Variants in ZBTB43 observed in about 807,000 individuals in gnomAD.
ZBTB43 encodes the protein zinc finger and BTB domain-containing protein 43.
Under a neutral mutation model 31.1 loss-of-function variants are expected in ZBTB43, and 6 were observed. That is an observed-to-expected ratio of 0.19 (90% confidence interval 0.11 to 0.38). ZBTB43 has a LOEUF of 0.38. ZBTB43 is among the 10% of genes least tolerant of loss of function. ZBTB43 has a pLI of 1.00. For missense variants in ZBTB43, 379 were observed against 602.1 expected, an observed-to-expected ratio of 0.63 and a Z score of 3.88; for synonymous variants, 212 against 221.7, an observed-to-expected ratio of 0.96 and a Z score of 0.39.
chr9:126,833,450 A>C lies in ZBTB43; in HGVS notation c.941A>C (p.Gln314Pro). 1 of 1,614,234 alleles carries C rather than the reference A, an allele frequency of 6.2e-7. No homozygotes were observed. Among genetic ancestry groups the C allele is most frequent in the Non-Finnish European group, 8.5e-7 (1 of 1,180,042 alleles). ...GCTGATGAAAGCAATTATGATGAGC[A>C]GGTGGATTTCTATGGCTCTTCCATG... Reference protein sequence around the residue: ...EQADESNYDEQVDFYGSSMEE... With the variant: ...EQADESNYDEPVDFYGSSMEE... The change falls in exon 3 of 3, where the codon CAG becomes CCG. Residue 314 changes from glutamine to proline, a missense_variant. By Grantham distance (76) the Gln-to-Pro change is moderately conservative (BLOSUM62 -1). This residue lies in a region of ZBTB43 where 253 missense variants were observed against 322.3 expected (regional missense o/e 0.79). Coordinates refer to ENST00000373464, the MANE Select transcript of ZBTB43 (RefSeq NM_014007.4). The surrounding 1 kb of genome is among the most constrained non-coding windows in gnomAD (Gnocchi z 7.9).
chr9:126,832,862 A>G lies in ZBTB43; in HGVS notation c.353A>G (p.Lys118Arg), dbSNP rs1275496361. The G allele has an allele frequency of 6.2e-7, 1 of 1,614,070 alleles. No individual in the cohort carries two copies. Among genetic ancestry groups the G allele is most frequent in the Admixed American group, 1.7e-5 (1 of 60,018 alleles). Reference sequence around the variant, plus strand: ...CTCCAGATGTGGCATGTGGTAGACAAATGCACTGAAGTTTTAGAGGGAAAC... The same window carrying G: ...CTCCAGATGTGGCATGTGGTAGACAGATGCACTGAAGTTTTAGAGGGAAAC... ...SFLQMWHVVD[K>R]CTEVLEGNPT... The change falls in exon 3 of 3, where the codon AAA becomes AGA. Residue 118 changes from lysine (K) to arginine (R), a missense_variant. Around this residue, in one of 5 missense-constraint regions of ZBTB43, gnomAD observed 3 missense variants for 17.9 expected, o/e 0.17. Transcript: ENST00000373464.
Position 126,827,636 on chromosome 9 carries a change from C to T in ZBTB43, c.-23-4851C>T, listed in dbSNP as rs1189124972. Reference sequence around the variant, plus strand: ...AGGAACCAACCCATGGAGCTTCTGACTCCACCATTTTCCATAACCTCCCTT... The same window carrying T: ...AGGAACCAACCCATGGAGCTTCTGATTCCACCATTTTCCATAACCTCCCTT... On this transcript the variant is annotated intron_variant, in intron 2 of 2. Coordinates refer to ENST00000373464, the MANE Select transcript of ZBTB43 (RefSeq NM_014007.4). Among the ~76,000 whole-genome samples, 4 of 152,226 alleles carry T rather than the reference C, an allele frequency of 2.6e-5. No individual in the cohort carries two copies. In the East Asian group the frequency reaches 7.7e-4, roughly 29 times the overall value.
intron 2 of ZBTB43, among the ~76,000 whole-genome samples, chr9:126,821,834 C>T (rs1443311657): frequency 2.6e-5 from 4 of 152,146 alleles, no homozygotes; most frequent in African/African-American, 7.2e-5. Flanking sequence ...TGTGACCCAA[C>T]ACAAATTCAT....
Position 126,815,357 on chromosome 9 carries a change from A to T in ZBTB43, c.-24+6442A>T, listed in dbSNP as rs181887036. Among the ~76,000 whole-genome samples, 1,628 of 140,802 alleles carry T rather than the reference A, an allele frequency of 0.012. 68 individuals carry two copies. In the East Asian group the frequency reaches 0.21, roughly 18 times the overall value. The allele number at this position is 140,802 out of a possible 152,430, so 92.4% of individuals were successfully genotyped here. ...ATATATATAGTTTTCAATATATAAA[A>T]ATATATATATATATATAGTTTTCAT... is the stretch of plus-strand genomic sequence containing the variant. On this transcript the variant is annotated intron_variant, in intron 2 of 2. Coordinates refer to ENST00000373464, the MANE Select transcript of ZBTB43 (RefSeq NM_014007.4).
At chr9:126,814,273 C>A (rs2032313338) in intron 2 of ZBTB43, among the ~76,000 whole-genome samples, 1 of 150,904 alleles carries the variant, frequency 6.6e-6, no homozygotes, top group Non-Finnish European at 1.5e-5. Context: ...CTGATTTTTA[C>A]AGATGAAATT....
rs59664603 is a variant in ZBTB43 at position 126,828,654 on chromosome 9, A to AATT, written c.-23-3811_-23-3809dup. Among the ~76,000 whole-genome samples, 1,078 of 127,686 alleles carry AATT rather than the reference A, an allele frequency of 8.4e-3. 14 individuals carry two copies. Among genetic ancestry groups the AATT allele is most frequent in the Middle Eastern group, 0.015 (4 of 274 alleles). The allele number at this position is 127,686 out of a possible 152,430, so 83.8% of individuals were successfully genotyped here. On this transcript the variant is annotated intron_variant, in intron 2 of 2. Transcript: ENST00000373464. ...AAATAATAATAATAATAATAATAAT[A>AATT]ATTATTATTATTATTATTATTATTT...
chr9:126,808,155 T>C (rs1033356102), intron 1 of ZBTB43, among the ~76,000 whole-genome samples: 1 of 152,222 alleles, frequency 6.6e-6, no homozygotes, highest in Non-Finnish European at 1.5e-5. Context: ...TCCTTGGCTT[T>C]ATTGAAATTC....
intron 2 of ZBTB43, among the ~76,000 whole-genome samples, chr9:126,828,834 C>A (rs1385647004): frequency 2.0e-5 from 3 of 151,690 alleles, no homozygotes; most frequent in African/African-American, 7.3e-5. Context: ...AGTTAACTTC[C>A]TGAATTTACA....
chr9:126,833,905 G>A lies in ZBTB43; in HGVS notation c.1396G>A (p.Ala466Thr), dbSNP rs753166344. The A allele has an allele frequency of 5.1e-6, 8 of 1,572,814 alleles. No homozygotes were observed. In the Admixed American group the frequency reaches 6.9e-5, roughly 14 times the overall value. The change falls in exon 3 of 3, where the codon GCT becomes ACT. Residue 466 changes from alanine (A) to threonine (T), a missense_variant. Physicochemically the swap from Ala to Thr is moderately conservative, Grantham distance 58 (BLOSUM62 0). Around this residue, in one of 5 missense-constraint regions of ZBTB43, gnomAD observed 21 missense variants for 22.4 expected, o/e 0.94. Transcript: ENST00000373464. The surrounding 1 kb of genome is among the most constrained non-coding windows in gnomAD (Gnocchi z 7.9). ...AAAGGCTGAGCAGAATACAACTGAG[G>A]CTAACTAAAAATAGGATCTGGCCCT... is the stretch of plus-strand genomic sequence containing the variant. The part of the protein sequence containing the change: ...AAKAEQNTTE[A>T]N
At chr9:126,830,519 A>C (rs530880056) in intron 2 of ZBTB43, among the ~76,000 whole-genome samples, 2 of 152,272 alleles carry the variant, frequency 1.3e-5, no homozygotes, top group South Asian at 4.1e-4. Context: ...GTAGTAGTGC[A>C]TGCCTGAAGT....
intron 2 of ZBTB43, chr9:126,832,234 T>C (rs566570669): frequency 2.3e-6 from 1 of 434,414 alleles, no homozygotes; most frequent in Non-Finnish European, 4.1e-6. Flanking sequence ...ACAAATCTTG[T>C]CCCTATGGAT....
Position 126,832,188 on chromosome 9 carries a change from C to T in ZBTB43, c.-23-299C>T, listed in dbSNP as rs546758256. ...TGTTTGTTTTAACTGTAAATATTTA[C>T]AGTACTTGGTTTTACTTGGGAGATT... On this transcript the variant is annotated intron_variant, in intron 2 of 2. Transcript: ENST00000373464. 69 of 271,338 alleles carry T rather than the reference C, an allele frequency of 2.5e-4. No individual in the cohort carries two copies. In the East Asian group the frequency reaches 4.7e-3, roughly 19 times the overall value. 16.8% of individuals were successfully genotyped at this position (271,338 alleles called of 1,614,324 possible).
At position 126,834,096 on chromosome 9, in the gene ZBTB43, G is replaced by A. The variant is rs2032829605; in HGVS notation, c.*183G>A. ...AAAAAATCTAATTCCTCAAATTTGT[G>A]TGTTCCAGTCCTGGCCTGGAATGGG... On this transcript the variant is annotated 3_prime_UTR_variant, in exon 3 of 3. Transcript: ENST00000373464. 2 of 689,332 alleles carry A rather than the reference G, an allele frequency of 2.9e-6. No individual in the cohort carries two copies. Among genetic ancestry groups the A allele is most frequent in the Non-Finnish European group, 4.5e-6 (2 of 444,198 alleles). 42.7% of individuals were successfully genotyped at this position (689,332 alleles called of 1,614,324 possible). A position where few individuals can be genotyped will look rare whatever the true frequency, so the allele number is the denominator to read the frequency against.
chr9:126,805,496 G>A (rs1227346903), intron 1 of ZBTB43, among the ~76,000 whole-genome samples: 1 of 152,254 alleles, frequency 6.6e-6, no homozygotes, highest in Non-Finnish European at 1.5e-5. Context: ...TCGGGTTCGA[G>A]CCACCAATGC....
At chr9:126,815,452 G>A (rs532608094) in intron 2 of ZBTB43, among the ~76,000 whole-genome samples, 121 of 150,140 alleles carry the variant, frequency 8.1e-4, no homozygotes, top group African/African-American at 2.7e-3. Context: ...TAGGTATCTG[G>A]AAGTTGTCTC....
intron 2 of ZBTB43, among the ~76,000 whole-genome samples, chr9:126,828,469 C>G (rs2032693529): frequency 6.6e-6 from 1 of 151,410 alleles, no homozygotes; most frequent in African/African-American, 2.4e-5. Flanking sequence ...AGGTGTGAGC[C>G]ACCACTCCCA....
chr9:126,823,562 A>G lies in ZBTB43; in HGVS notation c.-23-8925A>G, dbSNP rs543003324. On this transcript the variant is annotated intron_variant, in intron 2 of 2. Transcript: ENST00000373464. The stretch of plus-strand genomic sequence containing the variant: ...CTAAAGTGAGTCTCTTGTAGACTGC[A>G]TGTAGATGAGTCGTTTTTTAATCCA... Among the ~76,000 whole-genome samples the G allele has an allele frequency of 1.6e-3, 238 of 152,336 alleles. 1 individual carries two copies. Among genetic ancestry groups the G allele is most frequent in the South Asian group, 0.012 (56 of 4,824 alleles).
intron 2 of ZBTB43, among the ~76,000 whole-genome samples, chr9:126,811,196 T>C (rs1309385628): frequency 7.1e-6 from 1 of 140,100 alleles, no homozygotes; most frequent in East Asian, 2.1e-4. Flanking sequence ...CCCTCCAGCC[T>C]GGGCGACAGA....
chr9:126,822,746 CAAAA>C (rs1035830228), intron 2 of ZBTB43, among the ~76,000 whole-genome samples: 1 of 151,932 alleles, frequency 6.6e-6, no homozygotes, highest in African/African-American at 2.4e-5. Flanking sequence ...TCTTGGGAAA[CAAAA>C]AAGAAAGAAA....
Sources: allele counts gnomAD v4.1 joint callset (sites outside exome capture counted in the v4.1 genomes callset), GRCh38; gene constraint gnomAD v4.1.1; regional missense constraint gnomAD v4.1.1; non-coding constraint Gnocchi (gnomAD v3.1); transcripts MANE v1.5; gene names NCBI Gene and HGNC (gene_info 2026-07-23, HGNC 2026-07-21).